Variants in CDH4 observed in about 807,000 individuals in gnomAD.
CDH4 encodes the protein cadherin 4, also known as cadherin-4.
Under a neutral mutation model 86.0 loss-of-function variants are expected in CDH4, and 33 were observed. The ratio of observed to expected loss-of-function variants is 0.38; its 90% CI spans 0.29 to 0.51. The LOEUF is 0.51. Among genes scored for constraint, CDH4 ranks in the 20% least tolerant of loss-of-function variants. CDH4 has a pLI of 0.86. For synonymous variants in CDH4, 555 were observed against 549.4 expected (o/e 1.01, Z -0.14); for missense variants, 1,114 against 1,307.4 (o/e 0.85, Z 2.28).
intron 2 of CDH4, among the ~76,000 whole-genome samples, chr20:61,271,938 G>C (rs1372316783): frequency 6.6e-6 from 1 of 152,234 alleles, no homozygotes; most frequent in African/African-American, 2.4e-5. Flanking sequence ...CTCGCTGATT[G>C]GGGGCAGGGT....
chr20:61,642,539 A>T (rs2087021404), intron 2 of CDH4, among the ~76,000 whole-genome samples: 1 of 152,238 alleles, frequency 6.6e-6, no homozygotes, highest in South Asian at 2.1e-4. Context: ...TTGGAGCACA[A>T]CAGGATCTGG....
chr20:61,275,672 G>A (rs1210990088), intron 2 of CDH4, among the ~76,000 whole-genome samples: 1 of 146,206 alleles, frequency 6.8e-6, no homozygotes, highest in Non-Finnish European at 1.5e-5. Flanking sequence ...AGTTTGGGGG[G>A]AGTACCGTGT....
chr20:61,934,490 C>T (rs2055155424), intron 15 of CDH4, among the ~76,000 whole-genome samples: 1 of 152,226 alleles, frequency 6.6e-6, no homozygotes, highest in African/African-American at 2.4e-5. Flanking sequence ...ACAGCAGGGG[C>T]TTCGTAAGAA....
intron 4 of CDH4, among the ~76,000 whole-genome samples, chr20:61,832,306 C>G (rs141727761): frequency 9.7e-4 from 148 of 152,354 alleles, no homozygotes; most frequent in African/African-American, 3.5e-3. Flanking sequence ...CCTCCCTGTG[C>G]TGCAGTTTCC....
At position 61,879,312 on chromosome 20, in the gene CDH4, A is replaced by G. The variant is rs886813028; in HGVS notation, c.1050+5412A>G. ...TCTCCACCAGCCCAGCTTGCCTTGC[A>G]TCGGCCGGACAGCTCAGCCACTTCT... is the stretch of plus-strand genomic sequence containing the variant. On this transcript the variant is annotated intron_variant, in intron 7 of 15. Transcript: ENST00000614565. The surrounding 1 kb of genome is among the most constrained non-coding windows in gnomAD (Gnocchi z 4.1). 6.6e-6 allele frequency among the ~76,000 whole-genome samples: 1 copy of G among 152,208 alleles called. No individual in the cohort carries two copies. Among genetic ancestry groups the G allele is most frequent in the South Asian group, 2.1e-4 (1 of 4,834 alleles).
chr20:61,808,449 T>G (rs1339397331), intron 4 of CDH4, among the ~76,000 whole-genome samples: 2 of 152,130 alleles, frequency 1.3e-5, no homozygotes, highest in African/African-American at 4.8e-5. Flanking sequence ...AAAGCCTCCG[T>G]GTAGACTTCA....
intron 2 of CDH4, among the ~76,000 whole-genome samples, chr20:61,293,662 G>A (rs1033270615): frequency 6.6e-6 from 1 of 152,210 alleles, no homozygotes; most frequent in Non-Finnish European, 1.5e-5. Flanking sequence ...CTTTCTCCAA[G>A]CCTCGGTTTT....
At chr20:61,384,137 A>C (rs28514617) in intron 2 of CDH4, among the ~76,000 whole-genome samples, 37,385 of 151,966 alleles carry the variant, frequency 0.25, 4,986 homozygotes, top group African/African-American at 0.34. Flanking sequence ...GTGCCCACCC[A>C]GACTGAGGGT....
At chr20:61,469,617 T>A (rs187440599) in intron 2 of CDH4, among the ~76,000 whole-genome samples, 9 of 152,256 alleles carry the variant, frequency 5.9e-5, no homozygotes, top group Admixed American at 5.9e-4. Context: ...GTGGGTGTTA[T>A]TCAAGAAATC....
At chr20:61,488,797 A>G (rs2085610279) in intron 2 of CDH4, among the ~76,000 whole-genome samples, 1 of 152,132 alleles carries the variant, frequency 6.6e-6, no homozygotes, top group African/African-American at 2.4e-5. Flanking sequence ...AAAAGATTGG[A>G]AGAATTTGTG....
chr20:61,791,807 C>T (rs188696496), intron 4 of CDH4, among the ~76,000 whole-genome samples: 3 of 152,092 alleles, frequency 2.0e-5, no homozygotes, highest in East Asian at 1.9e-4. Flanking sequence ...GGCAGAGACC[C>T]GCAAGTGCAA....
At chr20:61,644,866 G>A (rs2087046068) in intron 2 of CDH4, among the ~76,000 whole-genome samples, 1 of 152,226 alleles carries the variant, frequency 6.6e-6, no homozygotes, top group South Asian at 2.1e-4. Context: ...AACACATGCT[G>A]TGAGCTGGAT....
chr20:61,367,094 C>G (rs1600906060), intron 2 of CDH4, among the ~76,000 whole-genome samples: 1 of 152,158 alleles, frequency 6.6e-6, no homozygotes, highest in African/African-American at 2.4e-5. Flanking sequence ...ATCCAGTCCA[C>G]CCAAGCCCTG....
intron 8 of CDH4, among the ~76,000 whole-genome samples, chr20:61,899,816 G>T (rs564260588): frequency 6.6e-6 from 1 of 152,168 alleles, no homozygotes. Context: ...GGTCCCCAGC[G>T]TTTAGGATGT....
intron 2 of CDH4, among the ~76,000 whole-genome samples, chr20:61,545,568 G>A (rs754421265): frequency 1.6e-4 from 25 of 152,218 alleles, no homozygotes; most frequent in Non-Finnish European, 2.2e-4. Flanking sequence ...TACTGCTGAC[G>A]TGGACTTTTT....
intron 2 of CDH4, among the ~76,000 whole-genome samples, chr20:61,439,262 G>A (rs182193442): frequency 4.6e-5 from 7 of 152,212 alleles, no homozygotes; most frequent in African/African-American, 1.2e-4. Context: ...TGTGCGTTTC[G>A]GTTGTACTGC....
intron 11 of CDH4, among the ~76,000 whole-genome samples, chr20:61,927,864 G>A (rs1224636387): frequency 6.6e-6 from 1 of 152,076 alleles, no homozygotes; most frequent in African/African-American, 2.4e-5. Context: ...GTCTGTTGAG[G>A]TGCCGTGCGC....
chr20:61,467,054 C>A (rs2085476304), intron 2 of CDH4, among the ~76,000 whole-genome samples: 1 of 152,160 alleles, frequency 6.6e-6, no homozygotes, highest in South Asian at 2.1e-4. Context: ...TCACTGTGAG[C>A]CAGGATTTTT....
intron 2 of CDH4, among the ~76,000 whole-genome samples, chr20:61,352,702 G>A (rs1411577980): frequency 1.3e-5 from 2 of 152,144 alleles, no homozygotes; most frequent in Admixed American, 6.5e-5. Flanking sequence ...TAGGGGGCCT[G>A]GCTGTTTCTT....
Sources: allele counts gnomAD v4.1 joint callset (sites outside exome capture counted in the v4.1 genomes callset), GRCh38; gene constraint gnomAD v4.1.1; non-coding constraint Gnocchi (gnomAD v3.1); transcripts MANE v1.5; gene names NCBI Gene and HGNC (gene_info 2026-07-23, HGNC 2026-07-21).